ANKRD45: variants seen among roughly 807,000 people sequenced by gnomAD.
The protein encoded by ANKRD45 is ankyrin repeat domain-containing protein 45.
ANKRD45 carries 21 observed loss-of-function variants against 28.1 expected under a neutral mutation model. The ratio of observed to expected loss-of-function variants is 0.75; its 90% CI spans 0.53 to 1.08. The LOEUF (loss-of-function observed/expected upper bound fraction) is 1.08. Ranked by LOEUF, ANKRD45 falls within the 50% of genes least tolerant of loss-of-function variation. ANKRD45 has a pLI of 0.00. For synonymous variants in ANKRD45, 86 were observed against 103.9 expected, an observed-to-expected ratio of 0.83 and a Z score of 1.05; for missense variants, 261 against 308.7, an observed-to-expected ratio of 0.85 and a Z score of 1.16.
At chr1:173,643,735 GTATC>G (rs1394722364) in intron 3 of ANKRD45, among the ~76,000 whole-genome samples, 1 of 151,832 alleles carries the variant, frequency 6.6e-6, no homozygotes, top group Non-Finnish European at 1.5e-5. Flanking sequence ...TTGACTTAAA[GTATC>G]TTGAAAAATC....
At chr1:173,666,643 T>C (rs1417568720) in intron 1 of ANKRD45, among the ~76,000 whole-genome samples, 2 of 152,200 alleles carry the variant, frequency 1.3e-5, no homozygotes, top group South Asian at 2.1e-4. Flanking sequence ...CAACCATCCA[T>C]GTTTTTTCAA....
At chr1:173,671,599 G>C (rs1312181804), upstream of ANKRD45, among the ~76,000 whole-genome samples, 2 of 151,994 alleles carry the variant, frequency 1.3e-5, no homozygotes, top group African/African-American at 2.4e-5. Flanking sequence ...GGCCGGGCAC[G>C]GTGGCTCATG....
upstream of ANKRD45, among the ~76,000 whole-genome samples, chr1:173,672,710 G>A (rs1670295788): frequency 6.6e-6 from 1 of 152,180 alleles, no homozygotes; most frequent in Non-Finnish European, 1.5e-5. Context: ...AGGCAGACCA[G>A]GTTAGAAACA....
rs534263818 is a variant in ANKRD45 at position 173,608,494 on chromosome 1, T to C, written c.*1651A>G. On this transcript the variant is annotated 3_prime_UTR_variant, in exon 6 of 6. Transcript: ENST00000333279. ...CACCACATACAGCTAAATTTTTGTA[T>C]TTTTAGTAGAGACAGGGTTTCACCA... is the stretch of plus-strand genomic sequence containing the variant. Among the ~76,000 whole-genome samples, 1 of 151,928 alleles carries C rather than the reference T, an allele frequency of 6.6e-6. No individual in the cohort carries two copies. Among genetic ancestry groups the C allele is most frequent in the Non-Finnish European group, 1.5e-5 (1 of 68,010 alleles).
chr1:173,682,684 T>TACGCACAC, the ANKRD45 span, among the ~76,000 whole-genome samples: 5,322 of 143,996 alleles, frequency 0.037, 113 homozygotes, highest in Non-Finnish European at 0.046. Flanking sequence ...GCCTTTTAAA[T>TACGCACAC]ACACACACAC....
At chr1:173,697,768 A>C in the ANKRD45 span, among the ~76,000 whole-genome samples, 2 of 152,350 alleles carry the variant, frequency 1.3e-5, no homozygotes, top group African/African-American at 4.8e-5. Context: ...TAACGGGCAA[A>C]ATAACCAGCT....
Position 173,610,099 on chromosome 1 carries a change from C to A in ANKRD45, c.*46G>T. On this transcript the variant is annotated 3_prime_UTR_variant, in exon 6 of 6. Transcript: ENST00000333279. ...ATTTCAAATGGCATGAATAGGTTTGCCTTTCAGATACTAAAAGAAAATGTG... is the reference window on the plus strand; with the variant it reads ...ATTTCAAATGGCATGAATAGGTTTGACTTTCAGATACTAAAAGAAAATGTG... 1 of 1,560,124 alleles carries A rather than the reference C, an allele frequency of 6.4e-7. No individual in the cohort carries two copies. The highest frequency in any genetic ancestry group is 8.8e-7 in the Non-Finnish European group (1 of 1,134,846).
intron 3 of ANKRD45, among the ~76,000 whole-genome samples, chr1:173,641,738 T>C (rs1668709999): frequency 1.3e-5 from 2 of 152,164 alleles, no homozygotes; most frequent in Admixed American, 1.3e-4. Context: ...TTTGAGTCCT[T>C]TGATCCTCAG....
chr1:173,708,607 A>G, the ANKRD45 span, among the ~76,000 whole-genome samples: 11 of 152,350 alleles, frequency 7.2e-5, 1 homozygote, highest in South Asian at 2.3e-3. Context: ...AAGACACTGG[A>G]TTGCATTAAA....
At chr1:173,663,937 A>G (rs1406370838) in intron 1 of ANKRD45, among the ~76,000 whole-genome samples, 1 of 152,202 alleles carries the variant, frequency 6.6e-6, no homozygotes, top group Non-Finnish European at 1.5e-5. Flanking sequence ...ATATTTGTAC[A>G]TATATATTTC....
the ANKRD45 span, among the ~76,000 whole-genome samples, chr1:173,688,619 TCC>T: frequency 7.0e-5 from 10 of 143,390 alleles, no homozygotes; most frequent in African/African-American, 2.6e-4. Flanking sequence ...TCTCTCTCTC[TCC>T]GCCTCTTCCT....
chr1:173,660,781 A>G (rs115992070), intron 1 of ANKRD45, among the ~76,000 whole-genome samples: 1,761 of 152,252 alleles, frequency 0.012, 44 homozygotes, highest in African/African-American at 0.041. Context: ...CCACTGAGTG[A>G]GCTTGGAAGT....
intron 5 of ANKRD45, among the ~76,000 whole-genome samples, chr1:173,623,202 A>G (rs554585926): frequency 6.6e-6 from 1 of 152,014 alleles, no homozygotes; most frequent in African/African-American, 2.4e-5. Context: ...AATCCCAGCT[A>G]CTCAGGAGGC....
At chr1:173,620,960 A>G (rs1667676363) in intron 5 of ANKRD45, among the ~76,000 whole-genome samples, 1 of 152,208 alleles carries the variant, frequency 6.6e-6, no homozygotes, top group African/African-American at 2.4e-5. Context: ...AGACACAATC[A>G]GAAATGATAA....
intron 3 of ANKRD45, among the ~76,000 whole-genome samples, chr1:173,637,942 G>C (rs908094161): frequency 6.6e-6 from 1 of 152,112 alleles, no homozygotes; most frequent in Admixed American, 6.6e-5. Context: ...GGACCTACCC[G>C]GAGCAAGGAA....
At chr1:173,634,523 A>T (rs1414727227) in intron 3 of ANKRD45, among the ~76,000 whole-genome samples, 1 of 151,816 alleles carries the variant, frequency 6.6e-6, no homozygotes, top group African/African-American at 2.4e-5. Context: ...AATCTTAGAT[A>T]CCCTCTCTAC....
chr1:173,674,492 C>T (rs1247106336), upstream of ANKRD45, among the ~76,000 whole-genome samples: 1 of 152,104 alleles, frequency 6.6e-6, no homozygotes. Flanking sequence ...TAACATGTGC[C>T]CAAGGTGGTT....
the ANKRD45 span, chr1:173,715,165 C>A: frequency 6.6e-6 from 1 of 152,386 alleles, no homozygotes; most frequent in African/African-American, 2.4e-5. Context: ...AGTTGCTGAG[C>A]TGCCCCATGG....
At chr1:173,665,301 A>T (rs1399807635) in intron 1 of ANKRD45, among the ~76,000 whole-genome samples, 1 of 152,078 alleles carries the variant, frequency 6.6e-6, no homozygotes, top group African/African-American at 2.4e-5. Context: ...TCCACCTCCC[A>T]AGTAGCTAGG....
Sources: gnomAD v4.1 joint callset for allele counts (sites outside exome capture counted in the v4.1 genomes callset) on GRCh38, gnomAD v4.1.1 for gene constraint, MANE v1.5 for transcripts, NCBI Gene and HGNC (gene_info 2026-07-23, HGNC 2026-07-21) for gene names.